ESRRB: variants seen among roughly 807,000 people sequenced by gnomAD.
ESRRB encodes estrogen related receptor beta.
Under a neutral mutation model 46.0 loss-of-function variants are expected in ESRRB, and 16 were observed. The ratio of observed to expected loss-of-function variants is 0.35; its 90% CI spans 0.24 to 0.53. ESRRB has a LOEUF of 0.53. Ranked by LOEUF, ESRRB falls within the 20% of genes least tolerant of loss-of-function variation. The pLI, the probability that ESRRB is intolerant of heterozygous loss-of-function variation, is 0.93. For synonymous variants in ESRRB, 246 were observed against 259.6 expected (o/e 0.95, Z 0.50); for missense variants, 488 against 607.4 (o/e 0.80, Z 2.07).
At chr14:76,351,876 T>C (rs1884316437) in intron 1 of ESRRB, among the ~76,000 whole-genome samples, 1 of 151,246 alleles carries the variant, frequency 6.6e-6, no homozygotes, top group Non-Finnish European at 1.5e-5. Context: ...TCACAGCTAC[T>C]TGGGTGGCTG....
chr14:76,412,335 A>C (rs1435615887), intron 1 of ESRRB, among the ~76,000 whole-genome samples: 1 of 152,184 alleles, frequency 6.6e-6, no homozygotes, highest in Non-Finnish European at 1.5e-5. Flanking sequence ...TGAGGAGTGG[A>C]GGTAGTTCCC....
At chr14:76,401,982 G>A (rs527269001) in intron 1 of ESRRB, among the ~76,000 whole-genome samples, 31 of 152,348 alleles carry the variant, frequency 2.0e-4, no homozygotes, top group African/African-American at 7.2e-4. Flanking sequence ...AAGGCAGGCA[G>A]ACTTGGGACC....
chr14:76,342,302 C>A lies in ESRRB; in HGVS notation c.2+31386C>A, dbSNP rs373206301. Among the ~76,000 whole-genome samples the A allele has an allele frequency of 4.7e-4, 71 of 152,210 alleles. 2 individuals carry two copies. In the South Asian group the frequency reaches 0.015, roughly 31 times the overall value. On this transcript the variant is annotated intron_variant, in intron 1 of 6. Transcript: ENST00000512784. Reference sequence around the variant, plus strand: ...TCCCTCTGGCTCTCTAAATCAGACACACCTTTCAGAAGAGGTGGCATTCTG... The same window carrying A: ...TCCCTCTGGCTCTCTAAATCAGACAAACCTTTCAGAAGAGGTGGCATTCTG...
At chr14:76,311,187 G>A (rs566754644) in intron 1 of ESRRB, among the ~76,000 whole-genome samples, 10 of 152,280 alleles carry the variant, frequency 6.6e-5, no homozygotes, top group South Asian at 4.1e-4. Flanking sequence ...TCATTTGGAA[G>A]CAGTGAGTTC....
Position 76,477,294 on chromosome 14 carries a change from A to C in ESRRB, c.578-4722A>C, listed in dbSNP as rs148282939. Among the ~76,000 whole-genome samples the C allele has an allele frequency of 1.4e-3, 219 of 152,298 alleles. 2 individuals carry two copies. The highest frequency in any genetic ancestry group is 5.0e-3 in the African/African-American group (207 of 41,562). The stretch of plus-strand genomic sequence containing the variant: ...GTCCTCTAAGAACCCATCGAATCGA[A>C]GAGCTGATGGGTATAAAGGGAAACC... On this transcript the variant is annotated intron_variant, in intron 3 of 6. Transcript: ENST00000644823.
chr14:76,452,173 C>T (rs948732091), intron 2 of ESRRB, among the ~76,000 whole-genome samples: 5 of 151,974 alleles, frequency 3.3e-5, no homozygotes, highest in Non-Finnish European at 2.9e-5. Flanking sequence ...AATTCCTGAC[C>T]TCATGAGCCA....
At chr14:76,412,470 T>C (rs1004693970) in intron 1 of ESRRB, among the ~76,000 whole-genome samples, 1 of 152,148 alleles carries the variant, frequency 6.6e-6, no homozygotes, top group Non-Finnish European at 1.5e-5. Flanking sequence ...CCAAGTACCC[T>C]ATACCTCTCT....
chr14:76,489,890 T>C (rs1890157541), intron 5 of ESRRB, among the ~76,000 whole-genome samples: 1 of 152,102 alleles, frequency 6.6e-6, no homozygotes, highest in African/African-American at 2.4e-5. Context: ...GTGATGCCAA[T>C]GGTGTGCCAA....
At chr14:76,409,478 A>T (rs938025329) in intron 1 of ESRRB, among the ~76,000 whole-genome samples, 1 of 152,018 alleles carries the variant, frequency 6.6e-6, no homozygotes, top group Non-Finnish European at 1.5e-5. Flanking sequence ...CTTCCTCCTT[A>T]ATATAGTATG....
chr14:76,438,711 A>G (rs1887778569), intron 1 of ESRRB, among the ~76,000 whole-genome samples: 1 of 151,840 alleles, frequency 6.6e-6, no homozygotes, highest in Admixed American at 6.6e-5. Context: ...GTTATGCAGG[A>G]AGGTTGGCCA....
At chr14:76,353,266 T>G (rs1349828922) in intron 1 of ESRRB, among the ~76,000 whole-genome samples, 1 of 152,206 alleles carries the variant, frequency 6.6e-6, no homozygotes, top group Non-Finnish European at 1.5e-5. Context: ...GGAGTTTAGC[T>G]AGGAGACAGC....
At chr14:76,331,898 A>C (rs199731272) in intron 1 of ESRRB, among the ~76,000 whole-genome samples, 2 of 40,026 alleles carry the variant, frequency 5.0e-5, no homozygotes, top group Non-Finnish European at 1.5e-4. Context: ...AACTGAGTTA[A>C]TAGAAGTCCA....
intron 1 of ESRRB, among the ~76,000 whole-genome samples, chr14:76,358,925 G>T (rs557755252): frequency 6.6e-6 from 1 of 152,114 alleles, no homozygotes. Flanking sequence ...ACAGATTGCT[G>T]GTCCCCACCC....
In ESRRB at chr14:76,500,864, A is replaced by G; in HGVS notation, c.*2406A>G. Reference sequence around the variant, plus strand: ...TGATGGTTGGTGTCCATGAGGTGGAAGCTGCTTTTATACTTAAAACTCAGA... The same window carrying G: ...TGATGGTTGGTGTCCATGAGGTGGAGGCTGCTTTTATACTTAAAACTCAGA... On this transcript the variant is annotated 3_prime_UTR_variant, in exon 7 of 7. Transcript: ENST00000644823. The G allele has an allele frequency of 3.5e-6, 3 of 845,420 alleles. No homozygotes were observed. The highest frequency in any genetic ancestry group is 2.7e-5 in the South Asian group (2 of 73,432). 52.4% of individuals were successfully genotyped at this position (845,420 alleles called of 1,614,324 possible). A position where few individuals can be genotyped will look rare whatever the true frequency, so the allele number is the denominator to read the frequency against.
At chr14:76,312,227 A>G (rs1449858539) in intron 1 of ESRRB, among the ~76,000 whole-genome samples, 1 of 152,220 alleles carries the variant, frequency 6.6e-6, no homozygotes, top group African/African-American at 2.4e-5. Context: ...AAATAGTTTT[A>G]CCAGCATGAA....
At chr14:76,453,656 G>A (rs1237546417) in intron 2 of ESRRB, among the ~76,000 whole-genome samples, 1 of 147,012 alleles carries the variant, frequency 6.8e-6, no homozygotes, top group East Asian at 2.0e-4. Context: ...GAAGTGCAGT[G>A]GCACAATCTC....
chr14:76,434,237 C>T (rs1887573651), intron 1 of ESRRB, among the ~76,000 whole-genome samples: 1 of 152,196 alleles, frequency 6.6e-6, no homozygotes, highest in African/African-American at 2.4e-5. Context: ...GAGGGTCTGG[C>T]CTCTCCAGCA....
intron 5 of ESRRB, among the ~76,000 whole-genome samples, chr14:76,486,501 C>T (rs1028266792): frequency 2.6e-5 from 4 of 152,064 alleles, no homozygotes; most frequent in East Asian, 1.9e-4. Flanking sequence ...CCCTCCAGGT[C>T]GACAGAAACG....
intron 1 of ESRRB, among the ~76,000 whole-genome samples, chr14:76,343,930 T>C (rs1884220037): frequency 6.6e-6 from 1 of 152,198 alleles, no homozygotes; most frequent in Non-Finnish European, 1.5e-5. Flanking sequence ...TTGTAGGTAA[T>C]GGTAAGACAT....
Sources: allele counts gnomAD v4.1 joint callset (sites outside exome capture counted in the v4.1 genomes callset), GRCh38; gene constraint gnomAD v4.1.1; transcripts MANE v1.5; gene names NCBI Gene and HGNC (gene_info 2026-07-23, HGNC 2026-07-21).